The following SMARCC1 variants were observed in gnomAD, a reference collection of about 807,000 sequenced individuals.
SMARCC1 encodes the protein SWI/SNF complex subunit SMARCC1.
Under a neutral mutation model 147.4 loss-of-function variants are expected in SMARCC1, and 43 were observed. That is an observed-to-expected ratio of 0.29 (90% CI 0.23 to 0.38). The LOEUF is 0.38. Among genes scored for constraint, SMARCC1 ranks in the 10% least tolerant of loss-of-function variants. The probability of loss-of-function intolerance (pLI) is 1.00; values close to 1 mark genes in which losing one functional copy is unlikely to be tolerated. For missense variants in SMARCC1, 1,119 were observed against 1,381.1 expected (o/e 0.81, Z 3.01); for synonymous variants, 495 against 484.4 (o/e 1.02, Z -0.29).
intron 2 of SMARCC1, among the ~76,000 whole-genome samples, chr3:47,758,218 C>T (rs1472276776): frequency 6.6e-6 from 1 of 152,098 alleles, no homozygotes; most frequent in Non-Finnish European, 1.5e-5. Context: ...CTCCTGGGCT[C>T]AAGTGATCCT....
At chr3:47,757,783 C>CAAAAA (rs60788109) in intron 2 of SMARCC1, among the ~76,000 whole-genome samples, 1 of 106,360 alleles carries the variant, frequency 9.4e-6, no homozygotes. Flanking sequence ...GGCTCCGTAT[C>CAAAAA]AAAAAAAAAA....
intron 19 of SMARCC1, among the ~76,000 whole-genome samples, chr3:47,669,486 T>C (rs1322642001): frequency 6.6e-6 from 1 of 152,142 alleles, no homozygotes; most frequent in Non-Finnish European, 1.5e-5. Context: ...ATCTAGTAGA[T>C]ATGGCTATAC....
intron 2 of SMARCC1, among the ~76,000 whole-genome samples, chr3:47,763,168 C>T (rs2034794258): frequency 6.6e-6 from 1 of 151,666 alleles, no homozygotes; most frequent in Non-Finnish European, 1.5e-5. Context: ...TCTTTCTTTT[C>T]CTCTTTTTTA....
intron 26 of SMARCC1, among the ~76,000 whole-genome samples, chr3:47,601,057 C>G (rs1273198322): frequency 1.1e-5 from 1 of 88,226 alleles, no homozygotes; most frequent in African/African-American, 4.3e-5. Flanking sequence ...GACATGGCAT[C>G]AAAACAGCAG....
intron 24 of SMARCC1, among the ~76,000 whole-genome samples, chr3:47,634,944 A>G (rs974392568): frequency 2.0e-5 from 3 of 152,212 alleles, no homozygotes; most frequent in Non-Finnish European, 4.4e-5. Context: ...TTTGCCTTCA[A>G]TCTCTGCAGT....
At chr3:47,708,108 T>C (rs1384383149) in intron 9 of SMARCC1, among the ~76,000 whole-genome samples, 3 of 123,976 alleles carry the variant, frequency 2.4e-5, no homozygotes, top group Non-Finnish European at 5.0e-5. Flanking sequence ...TTTTTTTTTT[T>C]TTTTTTTTTG....
chr3:47,745,940 C>A lies in SMARCC1; in HGVS notation c.369G>T (p.Gly123=), dbSNP rs147221692. ...GTTCATTTTTATACTTGTAAGCAGC[C>A]CCAAGAATGTGACATAAGGCGCCTC... The part of the protein sequence containing the change: ...KAGGALCHIL[G]AAYKYKNEQG... The change falls in exon 3 of 28, where the codon GGG becomes GGT. Residue 123 remains glycine, a synonymous_variant. Coordinates refer to ENST00000254480, the MANE Select transcript of SMARCC1 (RefSeq NM_003074.4). The A allele has an allele frequency of 3.2e-6, 5 of 1,585,670 alleles. No homozygotes were observed. Among genetic ancestry groups the A allele is most frequent in the African/African-American group, 1.4e-5 (1 of 73,144 alleles).
chr3:47,714,357 C>T (rs2034129725), intron 8 of SMARCC1, 58 bp downstream of exon 8: 16 of 998,878 alleles, frequency 1.6e-5, no homozygotes, highest in Middle Eastern at 2.8e-4. Flanking sequence ...AGTGAGACGC[C>T]ATCTCAAAAA....
At chr3:47,696,673 C>T (rs2033856395) in intron 11 of SMARCC1, among the ~76,000 whole-genome samples, 1 of 151,804 alleles carries the variant, frequency 6.6e-6, no homozygotes, top group Admixed American at 6.6e-5. Context: ...CACCCACCAC[C>T]ACACCCGGCT....
chr3:47,614,690 C>T (rs1274909692), intron 25 of SMARCC1, among the ~76,000 whole-genome samples: 1 of 152,204 alleles, frequency 6.6e-6, no homozygotes, highest in Non-Finnish European at 1.5e-5. Context: ...GTGCATTAAC[C>T]TAACAGCCTC....
At chr3:47,728,104 T>TTTTTTGATTG (rs2034322358) in intron 6 of SMARCC1, among the ~76,000 whole-genome samples, 1 of 143,742 alleles carries the variant, frequency 7.0e-6, no homozygotes, top group Non-Finnish European at 1.5e-5. Flanking sequence ...TTTTTTTTTT[T>TTTTTTGATTG]GAGATGGAGT....
rs371665324 is a variant in SMARCC1, at chr3:47,710,724, G to C, written c.877C>G (p.Pro293Ala). 2 of 1,613,434 alleles carry C rather than the reference G, an allele frequency of 1.2e-6. No individual in the cohort carries two copies. The highest frequency in any genetic ancestry group is 1.7e-6 in the Non-Finnish European group (2 of 1,179,702). The part of the protein sequence containing the change: ...EDYEVDENRK[P>A]VSFRQRISTK... ...GAAATCCGCTGACGAAAACTCACAGGCTTCCTATTTTCATCCACCTCATAA... is the reference window on the plus strand; with the variant it reads ...GAAATCCGCTGACGAAAACTCACAGCCTTCCTATTTTCATCCACCTCATAA... Residue 293 changes from proline to alanine, a missense_variant, in exon 9 of 28, where the codon CCT (proline) becomes GCT (alanine). This residue lies in a region of SMARCC1 where 542 missense variants were observed against 611.8 expected (regional missense o/e 0.89). Transcript: ENST00000254480.
At chr3:47,667,512 G>C (rs879602392) in intron 19 of SMARCC1, among the ~76,000 whole-genome samples, 2 of 152,174 alleles carry the variant, frequency 1.3e-5, no homozygotes, top group Non-Finnish European at 2.9e-5. Context: ...ACAAATTCAA[G>C]TCTTGTCACT....
rs931814387 is a variant in SMARCC1 at position 47,773,776 on chromosome 3, C to T, written c.196-840G>A. On this transcript the variant is annotated intron_variant, in intron 1 of 27. Transcript: ENST00000254480. The stretch of plus-strand genomic sequence containing the variant: ...TCCCTAGCAGCTGGGACTACAGGCG[C>T]GCAACCACCATGCCCGGCTAATTTT... 2.6e-5 allele frequency among the ~76,000 whole-genome samples: 4 copies of T among 151,844 alleles called. No individual in the cohort carries two copies. The East Asian group carries it at 5.8e-4, about 22-fold the overall frequency.
intron 19 of SMARCC1, among the ~76,000 whole-genome samples, chr3:47,664,286 T>C (rs2033395586): frequency 6.6e-6 from 1 of 151,394 alleles, no homozygotes; most frequent in South Asian, 2.1e-4. Context: ...GAGTAAAACA[T>C]GAGAGAACTC....
chr3:47,598,702 T>C (rs1238947207), intron 26 of SMARCC1, among the ~76,000 whole-genome samples: 3 of 151,734 alleles, frequency 2.0e-5, no homozygotes, highest in Non-Finnish European at 4.4e-5. Context: ...TGGTGGTATA[T>C]GCCTGTGGTC....
chr3:47,612,340 T>C (rs2032575592), intron 25 of SMARCC1, among the ~76,000 whole-genome samples: 1 of 152,214 alleles, frequency 6.6e-6, no homozygotes. Context: ...AACATCCTCT[T>C]ATCTGTTTTT....
chr3:47,630,874 G>C (rs1474790923), intron 24 of SMARCC1, among the ~76,000 whole-genome samples: 1 of 152,054 alleles, frequency 6.6e-6, no homozygotes, highest in African/African-American at 2.4e-5. Flanking sequence ...ACCAGCCTGG[G>C]CAATATAGGG....
intron 15 of SMARCC1, among the ~76,000 whole-genome samples, chr3:47,679,212 CA>C (rs577481119): frequency 0.021 from 1,931 of 93,424 alleles, 24 homozygotes; most frequent in African/African-American, 0.061. Context: ...GACTTTGTCT[CA>C]AAAAAAAAAA....
Sources: allele counts gnomAD v4.1 joint callset (sites outside exome capture counted in the v4.1 genomes callset), GRCh38; gene constraint gnomAD v4.1.1; regional missense constraint gnomAD v4.1.1; transcripts MANE v1.5; gene names NCBI Gene and HGNC (gene_info 2026-07-23, HGNC 2026-07-21).